The following ZNF804B variants were observed in gnomAD, a reference collection of about 807,000 sequenced individuals.
ZNF804B encodes zinc finger protein 804B, also known as zinc finger 804B.
Under a neutral mutation model 101.4 loss-of-function variants are expected in ZNF804B, and 80 were observed. That is an observed-to-expected ratio of 0.79 (90% CI 0.66 to 0.95). The LOEUF (loss-of-function observed/expected upper bound fraction) is 0.95. Among genes scored for constraint, ZNF804B ranks in the 40% least tolerant of loss-of-function variants. The pLI is 0.00. For synonymous variants in ZNF804B, 622 were observed against 558.8 expected, an observed-to-expected ratio of 1.11 and a Z score of -1.59; for missense variants, 1,673 against 1,561.9, an observed-to-expected ratio of 1.07 and a Z score of -1.20.
intron 1 of ZNF804B, among the ~76,000 whole-genome samples, chr7:89,039,892 T>C (rs956103017): frequency 3.3e-5 from 5 of 152,088 alleles, no homozygotes; most frequent in Admixed American, 1.3e-4. Flanking sequence ...GCTTTTCTCA[T>C]GCTGCTTTCG....
At chr7:89,185,857 C>T (rs1431064100) in intron 1 of ZNF804B, among the ~76,000 whole-genome samples, 1 of 150,220 alleles carries the variant, frequency 6.7e-6, no homozygotes, top group Non-Finnish European at 1.5e-5. Flanking sequence ...TGCATTCCAG[C>T]AACAGACTGA....
At chr7:88,762,141 C>T (rs1459942180) in intron 1 of ZNF804B, among the ~76,000 whole-genome samples, 1 of 152,238 alleles carries the variant, frequency 6.6e-6, no homozygotes, top group Admixed American at 6.5e-5. Flanking sequence ...TATTTATTTA[C>T]ACATTTGGAT....
Position 89,139,020 on chromosome 7 carries a change from C to T in ZNF804B, c.109-79135C>T, listed in dbSNP as rs141612041. ...GTGTGTCTATATGTGTGCACGTGCA[C>T]GCATGTGTGTGTATACAGGCATACC... is the stretch of plus-strand genomic sequence containing the variant. On this transcript the variant is annotated intron_variant, in intron 1 of 3. Transcript: ENST00000333190. Among the ~76,000 whole-genome samples the T allele has an allele frequency of 4.8e-3, 728 of 152,036 alleles. 11 individuals are homozygous for T. The highest frequency in any genetic ancestry group is 0.016 in the African/African-American group (675 of 41,502).
intron 1 of ZNF804B, among the ~76,000 whole-genome samples, chr7:88,915,839 A>G (rs1323668869): frequency 6.6e-6 from 1 of 151,702 alleles, no homozygotes; most frequent in Non-Finnish European, 1.5e-5. Flanking sequence ...AAAAATAAGG[A>G]TAGTGTAACA....
At chr7:89,077,625 T>A (rs189606296) in intron 1 of ZNF804B, among the ~76,000 whole-genome samples, 1 of 152,254 alleles carries the variant, frequency 6.6e-6, no homozygotes, top group East Asian at 1.9e-4. Flanking sequence ...TTTTTAAAGT[T>A]CTGAATTTGA....
intron 2 of ZNF804B, among the ~76,000 whole-genome samples, chr7:89,229,828 TA>T (rs1231609492): frequency 6.6e-6 from 1 of 152,028 alleles, no homozygotes; most frequent in Non-Finnish European, 1.5e-5. Flanking sequence ...AAATACACAT[TA>T]AAAGTTTTTA....
intron 2 of ZNF804B, among the ~76,000 whole-genome samples, chr7:89,300,361 CT>C (rs903017550): frequency 1.0e-4 from 15 of 147,674 alleles, no homozygotes; most frequent in Admixed American, 2.0e-4. Context: ...TGTATGCCCT[CT>C]TTTTTTTTTA....
chr7:88,867,394 A>G (rs1356060459), intron 1 of ZNF804B, among the ~76,000 whole-genome samples: 1 of 152,236 alleles, frequency 6.6e-6, no homozygotes, highest in African/African-American at 2.4e-5. Context: ...CAAAGACCAG[A>G]GAACCTGGAG....
chr7:89,008,781 C>T (rs1446293882), intron 1 of ZNF804B, among the ~76,000 whole-genome samples: 1 of 152,100 alleles, frequency 6.6e-6, no homozygotes, highest in Non-Finnish European at 1.5e-5. Context: ...AAAGGAAAAG[C>T]TTTCCTTTCA....
chr7:89,116,677 A>G (rs918659462), intron 1 of ZNF804B, among the ~76,000 whole-genome samples: 5 of 152,162 alleles, frequency 3.3e-5, no homozygotes, highest in African/African-American at 9.7e-5. Context: ...AGTGATATAT[A>G]CCCATAGTCT....
At chr7:88,792,552 C>T (rs543124507) in intron 1 of ZNF804B, among the ~76,000 whole-genome samples, 76 of 152,026 alleles carry the variant, frequency 5.0e-4, no homozygotes, top group Non-Finnish European at 6.8e-4. Flanking sequence ...CTTTGTTGAA[C>T]GTTTTCTCTA....
Position 88,863,230 on chromosome 7 carries a change from C to T in ZNF804B, c.108+103146C>T, listed in dbSNP as rs144465776. Among the ~76,000 whole-genome samples, 24 of 152,278 alleles carry T rather than the reference C, an allele frequency of 1.6e-4. 1 individual carries two copies. Among genetic ancestry groups the T allele is most frequent in the African/African-American group, 5.8e-4 (24 of 41,550 alleles). ...TACAATGCTCTGATACCCCTGCCCC[C>T]GAACCCTACCTCGGCTTCCTTAATA... On this transcript the variant is annotated intron_variant, in intron 1 of 3. Coordinates refer to ENST00000333190, the MANE Select transcript of ZNF804B (RefSeq NM_181646.5).
chr7:89,040,405 G>A (rs1260630257), intron 1 of ZNF804B, among the ~76,000 whole-genome samples: 1 of 151,882 alleles, frequency 6.6e-6, no homozygotes, highest in African/African-American at 2.4e-5. Flanking sequence ...TGAGCTATCT[G>A]TTGGATTTTT....
chr7:88,839,575 A>G (rs1383266633), intron 1 of ZNF804B, among the ~76,000 whole-genome samples: 1 of 152,024 alleles, frequency 6.6e-6, no homozygotes, highest in Non-Finnish European at 1.5e-5. Flanking sequence ...AAATAATTAG[A>G]TTGAAATTGA....
intron 1 of ZNF804B, among the ~76,000 whole-genome samples, chr7:88,885,652 C>G (rs1792115134): frequency 6.7e-6 from 1 of 149,810 alleles, no homozygotes; most frequent in Admixed American, 6.8e-5. Context: ...GGAATTATAT[C>G]TCCTTTCTGC....
In ZNF804B at chr7:88,876,874, ATGT is replaced by A. The variant is rs201300628; in HGVS notation, c.108+116793_108+116795del. Among the ~76,000 whole-genome samples the A allele has an allele frequency of 4.9e-3, 733 of 150,810 alleles. 10 individuals carry two copies. Among genetic ancestry groups the A allele is most frequent in the African/African-American group, 0.017 (703 of 40,998 alleles). On this transcript the variant is annotated intron_variant, in intron 1 of 3. Transcript: ENST00000333190. ...ATAAAATATACACCACTTAAAAAGT[ATGT>A]TGATTAAAGTGAAATTTTAGAAATA...
intron 2 of ZNF804B, among the ~76,000 whole-genome samples, chr7:89,225,053 A>C (rs1022806511): frequency 4.6e-5 from 7 of 152,014 alleles, no homozygotes; most frequent in African/African-American, 1.7e-4. Context: ...AAATTCTTCT[A>C]TCTGACCTTC....
At chr7:89,129,343 G>A (rs540666891) in intron 1 of ZNF804B, among the ~76,000 whole-genome samples, 2 of 152,090 alleles carry the variant, frequency 1.3e-5, no homozygotes, top group African/African-American at 4.8e-5. Flanking sequence ...ATGGCTTCCA[G>A]TAAGTCCAAA....
chr7:88,877,007 A>AATATATATATAT (rs1198344173), intron 1 of ZNF804B, among the ~76,000 whole-genome samples: 1 of 75,216 alleles, frequency 1.3e-5, no homozygotes, highest in African/African-American at 9.4e-5. Context: ...TGAAAAAAAA[A>AATATATATATAT]ATATATATAT....
Sources: gnomAD v4.1 joint callset for allele counts (sites outside exome capture counted in the v4.1 genomes callset) on GRCh38, gnomAD v4.1.1 for gene constraint, MANE v1.5 for transcripts, NCBI Gene and HGNC (gene_info 2026-07-23, HGNC 2026-07-21) for gene names.